Variants in HS6ST3 observed in about 807,000 individuals in gnomAD.
HS6ST3 encodes the protein heparan sulfate 6-O-sulfotransferase 3, also known as heparan-sulfate 6-O-sulfotransferase 3.
HS6ST3 carries 12 observed loss-of-function variants against 36.7 expected under a neutral mutation model. The ratio of observed to expected loss-of-function variants is 0.33; its 90% CI spans 0.21 to 0.53. HS6ST3 has a LOEUF of 0.53. HS6ST3 is among the 20% of genes least tolerant of loss of function. HS6ST3 has a pLI of 0.95. For synonymous variants in HS6ST3, 240 were observed against 257.5 expected (o/e 0.93, Z 0.65); for missense variants, 584 against 640.9 (o/e 0.91, Z 0.96).
chr13:96,396,576 G>A (rs554525311), intron 1 of HS6ST3, among the ~76,000 whole-genome samples: 5 of 152,174 alleles, frequency 3.3e-5, no homozygotes, highest in African/African-American at 9.6e-5. Context: ...GGGCTATGTG[G>A]TATGCAGAGT....
chr13:96,489,445 T>C (rs911639638), intron 1 of HS6ST3, among the ~76,000 whole-genome samples: 1 of 151,974 alleles, frequency 6.6e-6, no homozygotes, highest in Non-Finnish European at 1.5e-5. Context: ...AAAAAACATG[T>C]TTCTATTTTT....
At chr13:96,475,938 A>G (rs960551702) in intron 1 of HS6ST3, among the ~76,000 whole-genome samples, 2 of 152,202 alleles carry the variant, frequency 1.3e-5, no homozygotes, top group African/African-American at 4.8e-5. Context: ...ATGAAAACAA[A>G]TAAACTAACC....
intron 1 of HS6ST3, among the ~76,000 whole-genome samples, chr13:96,615,708 A>G (rs1377601417): frequency 1.3e-5 from 2 of 152,238 alleles, no homozygotes; most frequent in Non-Finnish European, 2.9e-5. Flanking sequence ...AAAGGTTCTG[A>G]TGAAGCATGA....
At chr13:96,135,952 C>T (rs1205498487) in intron 1 of HS6ST3, among the ~76,000 whole-genome samples, 1 of 152,168 alleles carries the variant, frequency 6.6e-6, no homozygotes, top group Non-Finnish European at 1.5e-5. Flanking sequence ...GGCCTCTCTC[C>T]CCTGTGCAGC....
At chr13:96,623,752 A>G (rs545570687) in intron 1 of HS6ST3, among the ~76,000 whole-genome samples, 2 of 152,326 alleles carry the variant, frequency 1.3e-5, no homozygotes, top group African/African-American at 4.8e-5. Context: ...CCCCAGTGGT[A>G]TACAGGGTGC....
chr13:96,641,551 T>A (rs898852082), intron 1 of HS6ST3, among the ~76,000 whole-genome samples: 2 of 151,850 alleles, frequency 1.3e-5, no homozygotes, highest in Non-Finnish European at 2.9e-5. Context: ...ATTTTGCTAT[T>A]TTTTTCTATA....
chr13:96,317,146 C>T (rs2054974063), intron 1 of HS6ST3, among the ~76,000 whole-genome samples: 1 of 151,280 alleles, frequency 6.6e-6, no homozygotes, highest in Admixed American at 6.6e-5. Context: ...TCTGCAGTGT[C>T]TATTATTCCT....
intron 1 of HS6ST3, among the ~76,000 whole-genome samples, chr13:96,192,149 T>C (rs190189410): frequency 6.6e-6 from 1 of 152,316 alleles, no homozygotes; most frequent in East Asian, 1.9e-4. Flanking sequence ...CTTGCAGGAT[T>C]GCTGTAAGGA....
At chr13:96,801,819 T>C (rs1474093968) in intron 1 of HS6ST3, among the ~76,000 whole-genome samples, 1 of 152,114 alleles carries the variant, frequency 6.6e-6, no homozygotes. Flanking sequence ...TTTGTGAGAA[T>C]GTCTTGGCAG....
intron 1 of HS6ST3, among the ~76,000 whole-genome samples, chr13:96,472,005 G>A (rs1240453984): frequency 6.6e-6 from 1 of 152,092 alleles, no homozygotes; most frequent in African/African-American, 2.4e-5. Flanking sequence ...ATTCTTCTTG[G>A]GCAGCAGCCT....
chr13:96,455,636 G>A (rs151243953), intron 1 of HS6ST3, among the ~76,000 whole-genome samples: 4 of 152,226 alleles, frequency 2.6e-5, no homozygotes, highest in African/African-American at 9.6e-5. Flanking sequence ...CAAAATTAAA[G>A]GCAATTAGGC....
At position 96,528,461 on chromosome 13, in the gene HS6ST3, T is replaced by A. The variant is rs143779828; in HGVS notation, c.708-304029T>A. Among the ~76,000 whole-genome samples, 39 of 152,224 alleles carry A rather than the reference T, an allele frequency of 2.6e-4. No individual in the cohort carries two copies. In the East Asian group the frequency reaches 5.0e-3, roughly 20 times the overall value. ...CATGAGCTGCTTGACAGGGGCCCAA[T>A]ACTGATGAAATTGTTGGTGAAATTA... On this transcript the variant is annotated intron_variant, in intron 1 of 1. Coordinates refer to ENST00000376705, the MANE Select transcript of HS6ST3 (RefSeq NM_153456.4).
intron 1 of HS6ST3, among the ~76,000 whole-genome samples, chr13:96,662,515 GGTGT>G (rs144795600): frequency 0.87 from 127,905 of 147,758 alleles, 55,643 homozygotes; most frequent in East Asian, 0.98. Flanking sequence ...GTGTGTATGG[GGTGT>G]GTGTGTGTGT....
At chr13:96,756,717 AT>A (rs1438848633) in intron 1 of HS6ST3, among the ~76,000 whole-genome samples, 1 of 152,126 alleles carries the variant, frequency 6.6e-6, no homozygotes, top group African/African-American at 2.4e-5. Context: ...GGTTAAGTTT[AT>A]TGCTAAACAT....
chr13:96,598,878 A>G (rs369911984), intron 1 of HS6ST3, among the ~76,000 whole-genome samples: 1 of 152,102 alleles, frequency 6.6e-6, no homozygotes, highest in Non-Finnish European at 1.5e-5. Flanking sequence ...GGTTTCTATC[A>G]TAAAGGAATG....
intron 1 of HS6ST3, among the ~76,000 whole-genome samples, chr13:96,714,872 T>C (rs748141548): frequency 1.6e-4 from 24 of 151,818 alleles, no homozygotes; most frequent in Non-Finnish European, 2.6e-4. Context: ...TTAATTTAAT[T>C]TTTTTTTCTT....
intron 1 of HS6ST3, among the ~76,000 whole-genome samples, chr13:96,362,244 A>G (rs1167353165): frequency 6.6e-6 from 1 of 152,224 alleles, no homozygotes; most frequent in Non-Finnish European, 1.5e-5. Context: ...TAAAAAACAA[A>G]GTAAATAATA....
chr13:96,723,146 C>T (rs1594845212), intron 1 of HS6ST3, among the ~76,000 whole-genome samples: 2 of 151,980 alleles, frequency 1.3e-5, no homozygotes, highest in African/African-American at 2.4e-5. Context: ...TGGTGCATGG[C>T]GACATCTCCC....
rs942488311 is a variant in HS6ST3, at chr13:96,708,542, CCTCT to C, written c.708-123944_708-123941del. ...ATTTTCTTGTCACCTGTACTACTGT[CCTCT>C]CTCCTTCCCTCCTCATAGAGCCTCT... On this transcript the variant is annotated intron_variant, in intron 1 of 1. Coordinates refer to ENST00000376705, the MANE Select transcript of HS6ST3 (RefSeq NM_153456.4). 2.4e-4 allele frequency among the ~76,000 whole-genome samples: 36 copies of C among 152,290 alleles called. 1 individual carries two copies. Among genetic ancestry groups the C allele is most frequent in the African/African-American group, 8.7e-4 (36 of 41,558 alleles).
Sources: gnomAD v4.1 joint callset for allele counts (sites outside exome capture counted in the v4.1 genomes callset) on GRCh38, gnomAD v4.1.1 for gene constraint, MANE v1.5 for transcripts, NCBI Gene and HGNC (gene_info 2026-07-23, HGNC 2026-07-21) for gene names.